RPGRIP1: variants seen among roughly 807,000 people sequenced by gnomAD.
The protein encoded by RPGRIP1 is RPGR interacting protein 1, also known as X-linked retinitis pigmentosa GTPase regulator-interacting protein 1.
RPGRIP1 carries 128 observed loss-of-function variants against 157.9 expected under a neutral mutation model. The ratio of observed to expected loss-of-function variants is 0.81; its 90% CI spans 0.70 to 0.94. The LOEUF is 0.94. Ranked by LOEUF, RPGRIP1 falls within the 40% of genes least tolerant of loss-of-function variation. The pLI is 0.00. For missense variants in RPGRIP1, 1,486 were observed against 1,545.8 expected, an observed-to-expected ratio of 0.96 and a Z score of 0.65; for synonymous variants, 554 against 571.6, an observed-to-expected ratio of 0.97 and a Z score of 0.44.
At chr14:21,322,196 C>T (rs976793026) in intron 14 of RPGRIP1, among the ~76,000 whole-genome samples, 192 bp downstream of exon 14, 2 of 151,910 alleles carry the variant, frequency 1.3e-5, no homozygotes, top group Admixed American at 1.3e-4. Context: ...CTTGCTCTGT[C>T]ACTCAGGCTG....
chr14:21,334,459 G>C (rs1884120554), intron 20 of RPGRIP1, 146 bp from the exon 21 acceptor site: 2 of 658,580 alleles, frequency 3.0e-6, no homozygotes, highest in Non-Finnish European at 5.6e-6. Context: ...CTTTGAAAAA[G>C]AGGGTTTGAT....
Position 21,317,841 on chromosome 14 carries a change from A to C in RPGRIP1, c.1297A>C (p.Arg433=). The change falls in exon 11 of 25, where the codon AGG becomes CGG. Residue 433 remains arginine (R), a synonymous_variant. Coordinates refer to ENST00000400017, the MANE Select transcript of RPGRIP1 (RefSeq NM_020366.4). ...DKRKVLLELS[R]EKAQNEDLKL... is the part of the protein sequence containing the mutation. ...GAGAAAAGTTTTACTTGAGCTGTCC[A>C]GGGAGAAAGGTAGGCTGGACCTTGA... The C allele has an allele frequency of 6.2e-7, 1 of 1,604,794 alleles. No individual in the cohort carries two copies. Among genetic ancestry groups the C allele is most frequent in the Non-Finnish European group, 8.5e-7 (1 of 1,175,350 alleles).
At chr14:21,286,319 G>A (rs563286174) in intron 1 of RPGRIP1, among the ~76,000 whole-genome samples, 1 of 152,032 alleles carries the variant, frequency 6.6e-6, no homozygotes, top group South Asian at 2.1e-4. Flanking sequence ...AGAACCTGGA[G>A]AACATGCTAA....
intron 2 of RPGRIP1, among the ~76,000 whole-genome samples, chr14:21,294,233 G>GTT (rs34091174): frequency 6.9e-6 from 1 of 143,998 alleles, no homozygotes. Flanking sequence ...TTCTGTTTTT[G>GTT]TTTTTTTTTT....
At chr14:21,346,089 G>A (rs1028258046) in intron 23 of RPGRIP1, among the ~76,000 whole-genome samples, 3 of 152,182 alleles carry the variant, frequency 2.0e-5, no homozygotes, top group Admixed American at 1.3e-4. Context: ...GGGATTACAG[G>A]CGTGAGTGAC....
intron 3 of RPGRIP1, among the ~76,000 whole-genome samples, chr14:21,298,374 C>T (rs1880883661): frequency 6.6e-6 from 1 of 151,944 alleles, no homozygotes; most frequent in Non-Finnish European, 1.5e-5. Flanking sequence ...GTGGCAGGCG[C>T]CTATAATCCC....
In RPGRIP1 at chr14:21,303,505, A is replaced by C. The variant is rs1334760881; in HGVS notation, c.762A>C (p.Arg254Ser). Reference sequence around the variant, plus strand: ...CTAAAGATGAAAATTTTGAACAGAGAAGCTCATTGGAGTGTGCTCAGAAGG... The same window carrying C: ...CTAAAGATGAAAATTTTGAACAGAGCAGCTCATTGGAGTGTGCTCAGAAGG... ...MWPKDENFEQ[R>S]SSLECAQKAA... is the part of the protein sequence containing the mutation. Residue 254 changes from arginine to serine, a missense_variant, in exon 6 of 25, where the codon AGA becomes AGC. Physicochemically the swap from Arg to Ser is moderately radical, Grantham distance 110. Transcript: ENST00000400017. 1.9e-6 allele frequency: 3 copies of C among 1,613,814 alleles called. No homozygotes were observed. In the African/African-American group the frequency reaches 4.0e-5, roughly 22 times the overall value.
At position 21,312,485 on chromosome 14, in the gene RPGRIP1, A is replaced by G. The variant is rs750114619; in HGVS notation, c.1130A>G (p.Asn377Ser). 1.9e-6 allele frequency: 3 copies of G among 1,611,444 alleles called. No individual in the cohort carries two copies. In the South Asian group the frequency reaches 3.3e-5, roughly 18 times the overall value. ...LEKERKLLND[N>S]YDKLLESMLD... The stretch of plus-strand genomic sequence containing the variant: ...AAAGAACGAAAATTGCTGAATGACA[A>G]TTATGACAAACTCTTAGAAAGGTGA... Residue 377 changes from asparagine (N) to serine (S), a missense_variant, in exon 10 of 25, where the codon AAT becomes AGT. Coordinates refer to ENST00000400017, the MANE Select transcript of RPGRIP1 (RefSeq NM_020366.4).
chr14:21,291,884 C>T (rs372219834), intron 2 of RPGRIP1, among the ~76,000 whole-genome samples: 3 of 152,128 alleles, frequency 2.0e-5, no homozygotes, highest in Non-Finnish European at 2.9e-5. Flanking sequence ...CTCAGCCTCC[C>T]GAGTAGCTGG....
chr14:21,321,120 C>T, intron 12 of RPGRIP1, 139 bp from the exon 13 acceptor site: 1 of 804,824 alleles, frequency 1.2e-6, no homozygotes, highest in Non-Finnish European at 1.9e-6. Context: ...CTTGTGAAGT[C>T]ATACAGGTCC....
At chr14:21,302,663 G>A (rs1881084494) in intron 5 of RPGRIP1, 79 bp downstream of exon 5, 1 of 928,180 alleles carries the variant, frequency 1.1e-6, no homozygotes, top group Non-Finnish European at 1.6e-6. Flanking sequence ...ACAAATGAAT[G>A]TTGGTGATTT....
At chr14:21,298,316 G>A (rs376262111) in intron 3 of RPGRIP1, among the ~76,000 whole-genome samples, 3 of 151,888 alleles carry the variant, frequency 2.0e-5, no homozygotes, top group Admixed American at 6.6e-5. Context: ...CCTGGCCAAC[G>A]TGGTGAAACC....
rs188947026 is a variant in RPGRIP1 at position 21,290,372 on chromosome 14, A to T, written c.85+2311A>T. 4.9e-3 allele frequency among the ~76,000 whole-genome samples: 745 copies of T among 152,228 alleles called. 6 individuals are homozygous for T. Among genetic ancestry groups the T allele is most frequent in the African/African-American group, 0.017 (700 of 41,554 alleles). On this transcript the variant is annotated intron_variant, in intron 2 of 24. Coordinates refer to ENST00000400017, the MANE Select transcript of RPGRIP1 (RefSeq NM_020366.4). The stretch of plus-strand genomic sequence containing the variant: ...TGAGGTGTTATCTCATTGTATTTTT[A>T]AAAAAATATATTCTTTCTTGGCTGG...
At chr14:21,350,986 G>A (rs2139386134) in intron 24 of RPGRIP1, 118 bp from the exon 25 acceptor site, 3 of 596,494 alleles carry the variant, frequency 5.0e-6, no homozygotes, top group Middle Eastern at 2.6e-4. Context: ...TCACTAGATT[G>A]AGTCCTCTTA....
At chr14:21,316,301 G>A (rs895372993) in intron 10 of RPGRIP1, among the ~76,000 whole-genome samples, 3 of 151,818 alleles carry the variant, frequency 2.0e-5, no homozygotes, top group African/African-American at 7.3e-5. Context: ...TAATGGAGAT[G>A]GGGTTTCACC....
intron 4 of RPGRIP1, among the ~76,000 whole-genome samples, chr14:21,301,602 G>C (rs1881030546): frequency 6.6e-6 from 1 of 151,524 alleles, no homozygotes; most frequent in Non-Finnish European, 1.5e-5. Flanking sequence ...ACTTGAACTC[G>C]GGAGGCGGAG....
chr14:21,330,660 C>T (rs527804026), intron 20 of RPGRIP1, among the ~76,000 whole-genome samples: 1 of 152,044 alleles, frequency 6.6e-6, no homozygotes, highest in Admixed American at 6.6e-5. Flanking sequence ...CAGAGCGAGA[C>T]TCCATCTCAA....
At chr14:21,309,270 G>C (rs893601897) in intron 7 of RPGRIP1, among the ~76,000 whole-genome samples, 2 of 152,130 alleles carry the variant, frequency 1.3e-5, no homozygotes, top group Admixed American at 1.3e-4. Flanking sequence ...CCAGCACTTT[G>C]GGAGGTCAAG....
In RPGRIP1 at chr14:21,307,896, A is replaced by C. The variant is rs902243743; in HGVS notation, c.906+60A>C. Reference sequence around the variant, plus strand: ...GGGGGAAACCCCAATTAAGAGATTCATATTATTTTCTCCATTTTAAATATG... The same window carrying C: ...GGGGGAAACCCCAATTAAGAGATTCCTATTATTTTCTCCATTTTAAATATG... On this transcript the variant is annotated intron_variant, in intron 7 of 24. Transcript: ENST00000400017. The C allele has an allele frequency of 3.1e-5, 28 of 902,470 alleles. No individual in the cohort carries two copies. In the African/African-American group the frequency reaches 4.6e-4, roughly 15 times the overall value. The allele number at this position is 902,470 out of a possible 1,614,324, so 55.9% of individuals were successfully genotyped here.
Sources: gnomAD v4.1 joint callset for allele counts (sites outside exome capture counted in the v4.1 genomes callset) on GRCh38, gnomAD v4.1.1 for gene constraint, MANE v1.5 for transcripts, NCBI Gene and HGNC (gene_info 2026-07-23, HGNC 2026-07-21) for gene names.